ZNF84: variants seen among roughly 807,000 people sequenced by gnomAD.
ZNF84 encodes zinc finger protein 84.
Under a neutral mutation model 14.8 loss-of-function variants are expected in ZNF84, and 12 were observed. That is an observed-to-expected ratio of 0.81 (90% CI 0.52 to 1.31). The LOEUF (loss-of-function observed/expected upper bound fraction) is 1.31. Among genes scored for constraint, ZNF84 ranks in the 50% most tolerant of loss-of-function variants. ZNF84 has a pLI of 0.00. For synonymous variants in ZNF84, 347 were observed against 291.1 expected (o/e 1.19, Z -1.96); for missense variants, 859 against 878.6 (o/e 0.98, Z 0.28).
At chr12:133,041,220 G>A (rs1297126885) in intron 1 of ZNF84, 58 bp from the exon 2 acceptor site, 3 of 487,984 alleles carry the variant, frequency 6.1e-6, no homozygotes, top group Admixed American at 3.8e-5. Flanking sequence ...CCTAGCAAGA[G>A]AGAAAGAGAT....
intron 4 of ZNF84, among the ~76,000 whole-genome samples, chr12:133,055,942 TA>T (rs1161175957): frequency 5.3e-5 from 8 of 151,706 alleles, no homozygotes; most frequent in East Asian, 3.9e-4. Context: ...TACAAAATAT[TA>T]AAAAAAAATT....
intron 2 of ZNF84, among the ~76,000 whole-genome samples, chr12:133,045,967 A>AACTG (rs10693648): frequency 0.93 from 140,910 of 151,784 alleles, 65,628 homozygotes; most frequent in East Asian, 1. Context: ...GTCTGTTCAA[A>AACTG]ACAGTTTCTG....
In ZNF84 at chr12:133,058,549, T is replaced by G; in HGVS notation, c.1834T>G (p.Ser612Ala). 3 of 1,614,012 alleles carry G rather than the reference T, an allele frequency of 1.9e-6. No individual in the cohort carries two copies. Among genetic ancestry groups the G allele is most frequent in the Non-Finnish European group, 2.5e-6 (3 of 1,179,988 alleles). ...TTGTAGGAAAGCTTTTTTTGAGAAG[T>G]CGGAGCTAATTAGACATCTGAGAAC... The part of the protein sequence containing the change: ...SLCRKAFFEK[S>A]ELIRHLRTHT... Residue 612 changes from serine to alanine, a missense_variant, in exon 5 of 5, where the codon TCG becomes GCG. Coordinates refer to ENST00000539354, the MANE Select transcript of ZNF84 (RefSeq NM_001289971.2).
At position 133,059,004 on chromosome 12, in the gene ZNF84, G is replaced by C; in HGVS notation, c.*72G>C. On this transcript the variant is annotated 3_prime_UTR_variant, in exon 5 of 5. Transcript: ENST00000539354. ...AAATGCAATTATGATAACGTTTGTA[G>C]ACAGTCACGTCATGTTAGGTGTTTG... 7.0e-7 allele frequency: 1 copy of C among 1,423,208 alleles called. No homozygotes were observed. The highest frequency in any genetic ancestry group is 9.5e-7 in the Non-Finnish European group (1 of 1,057,992). 88.2% of individuals were successfully genotyped at this position (1,423,208 alleles called of 1,614,324 possible). A position where few individuals can be genotyped will look rare whatever the true frequency, so the allele number is the denominator to read the frequency against.
Position 133,062,860 on chromosome 12 carries a change from T to A in ZNF84, c.*3928T>A. Reference sequence around the variant, plus strand: ...GAACAACTTGTAGTTCCTTGAGATTTCTATTATCACTTATGTTTTTGCAAA... The same window carrying A: ...GAACAACTTGTAGTTCCTTGAGATTACTATTATCACTTATGTTTTTGCAAA... On this transcript the variant is annotated 3_prime_UTR_variant, in exon 5 of 5. Coordinates refer to ENST00000539354, the MANE Select transcript of ZNF84 (RefSeq NM_001289971.2). The A allele has an allele frequency of 1.9e-6, 1 of 515,820 alleles. No individual in the cohort carries two copies. Among genetic ancestry groups the A allele is most frequent in the South Asian group, 3.1e-5 (1 of 32,380 alleles). The allele number at this position is 515,820 out of a possible 1,614,324, so 32.0% of individuals were successfully genotyped here. A position where few individuals can be genotyped will look rare whatever the true frequency, so the allele number is the denominator to read the frequency against.
intron 4 of ZNF84, among the ~76,000 whole-genome samples, chr12:133,053,799 CCCTCAGTCTT>C (rs2137399830): frequency 6.6e-6 from 1 of 152,180 alleles, no homozygotes; most frequent in East Asian, 1.9e-4. Flanking sequence ...TCATATTTCT[CCCTCAGTCTT>C]CCTCAATTCA....
chr12:133,054,665 A>G (rs1954122497), intron 4 of ZNF84, among the ~76,000 whole-genome samples: 1 of 149,014 alleles, frequency 6.7e-6, no homozygotes, highest in African/African-American at 2.5e-5. Flanking sequence ...TGATTTAATC[A>G]TTTTACAACA....
intron 4 of ZNF84, among the ~76,000 whole-genome samples, chr12:133,056,252 T>G (rs1056475816): frequency 3.3e-5 from 5 of 152,046 alleles, no homozygotes; most frequent in Non-Finnish European, 5.9e-5. Flanking sequence ...TATTTTTTTA[T>G]TTTTTATTTT....
chr12:133,041,924 C>CT (rs1274886325), intron 2 of ZNF84, among the ~76,000 whole-genome samples: 3 of 152,138 alleles, frequency 2.0e-5, no homozygotes, highest in African/African-American at 7.2e-5. Context: ...TGCAGTTTTG[C>CT]TTTTTGCAGT....
chr12:133,058,963 C>T lies in ZNF84; in HGVS notation c.*31C>T. The stretch of plus-strand genomic sequence containing the variant: ...CAGTTAATAGTAGTCTTTGACAGAT[C>T]ATCTTGGACTTCAGGAAATGCAATT... On this transcript the variant is annotated 3_prime_UTR_variant, in exon 5 of 5. Coordinates refer to ENST00000539354, the MANE Select transcript of ZNF84 (RefSeq NM_001289971.2). 3 of 1,528,934 alleles carry T rather than the reference C, an allele frequency of 2.0e-6. No individual in the cohort carries two copies. Among genetic ancestry groups the T allele is most frequent in the Non-Finnish European group, 2.6e-6 (3 of 1,142,946 alleles). 94.7% of individuals were successfully genotyped at this position (1,528,934 alleles called of 1,614,324 possible).
chr12:133,038,486 A>G (rs1953828355), intron 1 of ZNF84, among the ~76,000 whole-genome samples: 1 of 152,042 alleles, frequency 6.6e-6, no homozygotes, highest in African/African-American at 2.4e-5. Flanking sequence ...ACTTGAGCCC[A>G]GGAGTTCAGG....
chr12:133,047,265 CTACAGGTAGAGCTTGG>C (rs1953999099), intron 2 of ZNF84, among the ~76,000 whole-genome samples: 1 of 151,840 alleles, frequency 6.6e-6, no homozygotes, highest in Non-Finnish European at 1.5e-5. Flanking sequence ...TTTTTAACCC[CTACAGGTAGAGCTTGG>C]GAAGCCTGTG....
rs1954202380 is a variant in ZNF84, at chr12:133,058,527, T to C, written c.1812T>C (p.Cys604=). 6.2e-7 allele frequency: 1 copy of C among 1,613,992 alleles called. No homozygotes were observed. The highest frequency in any genetic ancestry group is 1.3e-5 in the African/African-American group (1 of 75,032). ...AGAAACCCTATGAATGCAGTCTTTG[T>C]AGGAAAGCTTTTTTTGAGAAGTCGG... The part of the protein sequence containing the change: ...TGEKPYECSL[C]RKAFFEKSEL... The change falls in exon 5 of 5, where the codon TGT becomes TGC. Residue 604 remains cysteine (C), a synonymous_variant. Transcript: ENST00000539354.
At chr12:133,056,761 C>G (rs1280892183) in intron 4 of ZNF84, among the ~76,000 whole-genome samples, 193 bp from the exon 5 acceptor site, 4 of 152,170 alleles carry the variant, frequency 2.6e-5, no homozygotes, top group African/African-American at 9.7e-5. Context: ...AATCTCCAGT[C>G]AGTTTCCTGT....
chr12:133,048,960 G>C (rs1164246697), intron 4 of ZNF84, 112 bp downstream of exon 4: 1 of 783,616 alleles, frequency 1.3e-6, no homozygotes, highest in African/African-American at 1.7e-5. Flanking sequence ...GGGTTGGCTG[G>C]TCAGTGACGG....
At chr12:133,046,905 T>TA (rs1381013410) in intron 2 of ZNF84, among the ~76,000 whole-genome samples, 1 of 144,136 alleles carries the variant, frequency 6.9e-6, no homozygotes, top group Non-Finnish European at 1.5e-5. Context: ...AATATAATAT[T>TA]TATATTATAT....
intron 4 of ZNF84, among the ~76,000 whole-genome samples, chr12:133,051,068 T>C (rs1180002482): frequency 6.6e-6 from 1 of 151,906 alleles, no homozygotes; most frequent in Non-Finnish European, 1.5e-5. Flanking sequence ...ACTACAGGTG[T>C]GTGCCACCAT....
chr12:133,044,786 C>T (rs1472509605), intron 2 of ZNF84, among the ~76,000 whole-genome samples: 5 of 151,810 alleles, frequency 3.3e-5, no homozygotes, highest in East Asian at 2.0e-4. Flanking sequence ...TGGTGGCAGG[C>T]GCCTGTTATC....
At chr12:133,039,673 T>A (rs1040422046) in intron 1 of ZNF84, among the ~76,000 whole-genome samples, 1 of 152,208 alleles carries the variant, frequency 6.6e-6, no homozygotes, top group African/African-American at 2.4e-5. Flanking sequence ...CCAGTCGCTT[T>A]CCTTTTAACA....
Sources: gnomAD v4.1 joint callset for allele counts (sites outside exome capture counted in the v4.1 genomes callset) on GRCh38, gnomAD v4.1.1 for gene constraint, MANE v1.5 for transcripts, NCBI Gene and HGNC (gene_info 2026-07-23, HGNC 2026-07-21) for gene names.